KLF17: variants seen among roughly 807,000 people sequenced by gnomAD.
KLF17 encodes the protein KLF transcription factor 17, also known as Krueppel-like factor 17.
KLF17 carries 31 observed loss-of-function variants against 34.2 expected under a neutral mutation model. The observed-to-expected ratio is 0.91, with a 90% CI of 0.68 to 1.22. The LOEUF (loss-of-function observed/expected upper bound fraction) is 1.22, where lower values mean the gene tolerates loss of function less well. KLF17 is among the 50% of genes most tolerant of loss of function. KLF17 has a pLI of 0.00. For synonymous variants in KLF17, 179 were observed against 186.7 expected, an observed-to-expected ratio of 0.96 and a Z score of 0.34; for missense variants, 478 against 505.2, an observed-to-expected ratio of 0.95 and a Z score of 0.52.
chr1:44,085,250 A>G, the KLF17 span, among the ~76,000 whole-genome samples: 1 of 152,202 alleles, frequency 6.6e-6, no homozygotes, highest in Non-Finnish European at 1.5e-5. Flanking sequence ...GAAAGCAAAC[A>G]AGGTACAGAA....
intron 1 of KLF17, among the ~76,000 whole-genome samples, chr1:44,120,980 G>A (rs2087938865): frequency 6.6e-6 from 1 of 152,160 alleles, no homozygotes; most frequent in East Asian, 1.9e-4. Flanking sequence ...GGGCAACATA[G>A]TGAGATCCTG....
At chr1:44,129,287 G>A (rs1324977597) in intron 1 of KLF17, 66 bp from the exon 2 acceptor site, 6 of 1,493,396 alleles carry the variant, frequency 4.0e-6, no homozygotes, top group Non-Finnish European at 5.4e-6. Context: ...TGGGGTCTGG[G>A]GATGAAGAGG....
At chr1:44,063,136 T>A in the KLF17 span, among the ~76,000 whole-genome samples, 1 of 152,162 alleles carries the variant, frequency 6.6e-6, no homozygotes, top group African/African-American at 2.4e-5. Context: ...AGAGGTCAGA[T>A]ACAAAAGAAT....
chr1:44,103,660 C>T, the KLF17 span: 3 of 1,610,222 alleles, frequency 1.9e-6, no homozygotes, highest in East Asian at 2.2e-5. Context: ...TCCTAGTACT[C>T]ACGCAGCTGC....
At chr1:44,053,858 G>C in the KLF17 span, among the ~76,000 whole-genome samples, 1 of 152,184 alleles carries the variant, frequency 6.6e-6, no homozygotes, top group Admixed American at 6.5e-5. Flanking sequence ...AAGAATTCTA[G>C]ATACTGTCCG....
Position 44,130,619 on chromosome 1 carries a change from T to A in KLF17, c.1033T>A (p.Cys345Ser). 3.1e-6 allele frequency: 5 copies of A among 1,614,054 alleles called. No individual in the cohort carries two copies. The highest frequency in any genetic ancestry group is 4.2e-6 in the Non-Finnish European group (5 of 1,180,020). Residue 345 changes from cysteine to serine, a missense_variant, in exon 3 of 4, where the codon TGT becomes AGT. Transcript: ENST00000372299. The part of the protein sequence containing the change: ...RVHTRYRPYK[C>S]DQCSREFMRS... ...ACACACCAGATATCGACCATATAAA[T>A]GTGATCAGTGCAGCCGGGAGTTCAT...
At chr1:44,064,860 G>T in the KLF17 span, among the ~76,000 whole-genome samples, 1 of 152,186 alleles carries the variant, frequency 6.6e-6, no homozygotes, top group Non-Finnish European at 1.5e-5. Flanking sequence ...TTATTTGAAA[G>T]CTGCTAATCG....
the KLF17 span, chr1:44,104,419 G>A: frequency 1.1e-6 from 1 of 895,138 alleles, no homozygotes; most frequent in Admixed American, 1.7e-5. Flanking sequence ...TTCGTCTCCT[G>A]AATCTTGTTC....
At chr1:44,086,256 C>T in the KLF17 span, among the ~76,000 whole-genome samples, 5 of 152,296 alleles carry the variant, frequency 3.3e-5, no homozygotes, top group South Asian at 8.3e-4. Flanking sequence ...CACCTGAGAT[C>T]GGGAGTTTGT....
the KLF17 span, among the ~76,000 whole-genome samples, chr1:44,089,628 A>C: frequency 1.3e-5 from 2 of 152,178 alleles, no homozygotes; most frequent in African/African-American, 4.8e-5. Flanking sequence ...TGTCTGCCAC[A>C]AAGAGAGTTG....
the KLF17 span, among the ~76,000 whole-genome samples, chr1:44,108,658 C>T: frequency 1.6e-5 from 1 of 62,082 alleles, no homozygotes; most frequent in African/African-American, 6.1e-5. Flanking sequence ...CGTTTGTTAG[C>T]TCTTTTTTTT....
the KLF17 span, among the ~76,000 whole-genome samples, chr1:44,099,865 GAAAGA>G: frequency 1.8e-4 from 9 of 49,442 alleles, no homozygotes; most frequent in Admixed American, 2.0e-3. Context: ...AAGAAAGAAA[GAAAGA>G]AAGAAAGAAA....
At chr1:44,080,384 G>A in the KLF17 span, among the ~76,000 whole-genome samples, 3 of 150,694 alleles carry the variant, frequency 2.0e-5, no homozygotes, top group Non-Finnish European at 3.0e-5. Flanking sequence ...GACTGCAGGC[G>A]CCCACCACCA....
At chr1:44,110,239 CT>C in the KLF17 span, among the ~76,000 whole-genome samples, 1 of 152,022 alleles carries the variant, frequency 6.6e-6, no homozygotes, top group East Asian at 1.9e-4. Context: ...GATGAACACA[CT>C]CATGAAAATG....
the KLF17 span, among the ~76,000 whole-genome samples, chr1:44,070,715 G>C: frequency 4.2e-5 from 6 of 143,388 alleles, no homozygotes; most frequent in Non-Finnish European, 6.0e-5. Context: ...CACCTCCCTT[G>C]TCTTTATCAG....
chr1:44,057,122 A>G, the KLF17 span, among the ~76,000 whole-genome samples: 41 of 152,126 alleles, frequency 2.7e-4, no homozygotes, highest in East Asian at 6.2e-3. Context: ...AGCTTTATGC[A>G]TGAGGGGTAA....
the KLF17 span, among the ~76,000 whole-genome samples, chr1:44,090,241 C>T: frequency 3.9e-5 from 5 of 127,092 alleles, no homozygotes; most frequent in African/African-American, 1.5e-4. Context: ...CCTGTAATCC[C>T]AGGCAGGAGG....
At chr1:44,101,917 G>A in the KLF17 span, among the ~76,000 whole-genome samples, 3 of 152,138 alleles carry the variant, frequency 2.0e-5, no homozygotes, top group African/African-American at 4.8e-5. Context: ...AGCCAGGCAT[G>A]GTGGCATGCA....
At chr1:44,122,142 C>A in intron 1 of KLF17, 1 of 1,507,642 alleles carries the variant, frequency 6.6e-7, no homozygotes, top group South Asian at 1.1e-5. Context: ...AAACAGTAAT[C>A]CTGAGAGACA....
Sources: allele counts gnomAD v4.1 joint callset (sites outside exome capture counted in the v4.1 genomes callset), GRCh38; gene constraint gnomAD v4.1.1; transcripts MANE v1.5; gene names NCBI Gene and HGNC (gene_info 2026-07-23, HGNC 2026-07-21).